SORBS2: variants seen among roughly 807,000 people sequenced by gnomAD.
SORBS2 encodes the protein sorbin and SH3 domain-containing protein 2.
SORBS2 carries 46 observed loss-of-function variants against 97.7 expected under a neutral mutation model. The observed-to-expected ratio is 0.47, with a 90% CI of 0.37 to 0.60. The LOEUF is 0.60. Ranked by LOEUF, SORBS2 falls within the 20% of genes least tolerant of loss-of-function variation. The pLI is 0.00. For missense variants in SORBS2, 1,316 were observed against 1,282.3 expected (o/e 1.03, Z -0.40); for synonymous variants, 476 against 473.4 (o/e 1.01, Z -0.07).
intron 2 of SORBS2, among the ~76,000 whole-genome samples, chr4:185,747,694 T>A (rs1410978685): frequency 6.6e-6 from 1 of 152,140 alleles, no homozygotes; most frequent in Non-Finnish European, 1.5e-5. Flanking sequence ...ACTCCGTGCC[T>A]GGAGCTGTGA....
chr4:185,804,044 G>A (rs192104704), intron 1 of SORBS2, among the ~76,000 whole-genome samples: 177 of 152,256 alleles, frequency 1.2e-3, no homozygotes, highest in Admixed American at 3.1e-3. Context: ...TTTTGGTTGC[G>A]TCATGTTTCC....
chr4:185,738,000 A>G (rs570667504), intron 2 of SORBS2, among the ~76,000 whole-genome samples: 43 of 152,316 alleles, frequency 2.8e-4, no homozygotes, highest in African/African-American at 1.0e-3. Context: ...CGGACACACT[A>G]CGGGATGGAA....
chr4:185,677,206 G>A lies in SORBS2; in HGVS notation c.-46+1217C>T, dbSNP rs1297342548. The A allele has an allele frequency of 1.9e-6, 3 of 1,551,702 alleles. No individual in the cohort carries two copies. The African/African-American group carries it at 4.1e-5, about 21-fold the overall frequency. On this transcript the variant is annotated intron_variant, in intron 4 of 20. Coordinates refer to the SORBS2 transcript ENST00000284776. ...GGGGTCAGTGAGCGGGGCCTTTTGAGAAATGACGGTACTTCGACAGATTTG... is the reference window on the plus strand; with the variant it reads ...GGGGTCAGTGAGCGGGGCCTTTTGAAAAATGACGGTACTTCGACAGATTTG...
At chr4:185,751,385 G>C (rs964467523) in intron 2 of SORBS2, among the ~76,000 whole-genome samples, 1 of 152,058 alleles carries the variant, frequency 6.6e-6, no homozygotes, top group Non-Finnish European at 1.5e-5. Context: ...ATGAGACAAA[G>C]TGAGAAGAGA....
At chr4:185,647,412 C>A (rs200607062) in intron 3 of SORBS2, among the ~76,000 whole-genome samples, 2 of 131,688 alleles carry the variant, frequency 1.5e-5, no homozygotes, top group African/African-American at 2.8e-5. Flanking sequence ...AAGAAGGCTT[C>A]TTTTTTTTTT....
chr4:185,859,828 C>CA (rs1293582033), intron 1 of SORBS2, among the ~76,000 whole-genome samples: 4 of 151,984 alleles, frequency 2.6e-5, no homozygotes, highest in Non-Finnish European at 5.9e-5. Flanking sequence ...GCATAATCAA[C>CA]AAAAAACTAA....
upstream of SORBS2, among the ~76,000 whole-genome samples, chr4:185,660,700 G>A (rs1310110073): frequency 1.3e-5 from 2 of 152,160 alleles, no homozygotes; most frequent in South Asian, 2.1e-4. Context: ...GGGGAAGGAG[G>A]TGCACTGTCT....
intron 4 of SORBS2, among the ~76,000 whole-genome samples, chr4:185,630,810 C>T (rs1168918121): frequency 6.6e-6 from 1 of 152,154 alleles, no homozygotes; most frequent in Non-Finnish European, 1.5e-5. Flanking sequence ...TGATATAATG[C>T]ATTGCAGTTC....
At chr4:185,724,342 A>AG (rs2098540308) in intron 2 of SORBS2, among the ~76,000 whole-genome samples, 1 of 152,022 alleles carries the variant, frequency 6.6e-6, no homozygotes, top group African/African-American at 2.4e-5. Context: ...AAAAAAAAAA[A>AG]AAGACAAAAG....
chr4:185,682,343 T>C (rs2097883405), intron 2 of SORBS2, among the ~76,000 whole-genome samples: 1 of 152,212 alleles, frequency 6.6e-6, no homozygotes, highest in Non-Finnish European at 1.5e-5. Context: ...ATGTTTTCAA[T>C]TGTTTCTCAA....
At chr4:185,646,459 A>G in intron 4 of SORBS2, 1 of 494,608 alleles carries the variant, frequency 2.0e-6, no homozygotes, top group Non-Finnish European at 3.6e-6. Context: ...ACACACACAT[A>G]CACTTGTATT....
intron 2 of SORBS2, among the ~76,000 whole-genome samples, chr4:185,758,593 A>G (rs1185684616): frequency 6.6e-6 from 1 of 152,078 alleles, no homozygotes; most frequent in Non-Finnish European, 1.5e-5. Context: ...ATTTCCACCC[A>G]TTCCAGGCAC....
intron 5 of SORBS2, among the ~76,000 whole-genome samples, chr4:185,628,368 C>G (rs1446786654): frequency 6.6e-6 from 1 of 151,142 alleles, no homozygotes. Flanking sequence ...AAATCTCTCT[C>G]ACCTCAAGGG....
At chr4:185,807,295 G>A (rs890013917) in intron 1 of SORBS2, among the ~76,000 whole-genome samples, 8 of 151,730 alleles carry the variant, frequency 5.3e-5, no homozygotes, top group African/African-American at 1.5e-4. Flanking sequence ...GTTTTTTTGA[G>A]GTGGGAAAAT....
chr4:185,803,330 C>G (rs1336949092), intron 1 of SORBS2, among the ~76,000 whole-genome samples: 1 of 152,144 alleles, frequency 6.6e-6, no homozygotes, highest in African/African-American at 2.4e-5. Flanking sequence ...AAAAGTGAGG[C>G]ACCGTTTTAA....
rs946522222 is a variant in SORBS2, at chr4:185,623,075, C to G, written c.2054G>C (p.Ser685Thr). ...TGGGTGGAGAGGCTGGTGCAGGGGG[C>G]TCCTCCTCAGCGCTCTCAGGGATGA... The change falls in exon 7 of 15, where the codon AGC becomes ACC. Residue 685 changes from serine to threonine, a missense_variant. Ser to Thr is a moderately conservative substitution (Grantham distance 58, BLOSUM62 1). Coordinates refer to ENST00000418609, the Ensembl canonical transcript of SORBS2. This position sits in a 1 kb window ranked among gnomAD's most constrained non-coding sequence, Gnocchi z 6.4. The G allele has an allele frequency of 4.3e-6, 7 of 1,613,984 alleles. No homozygotes were observed. Among genetic ancestry groups the G allele is most frequent in the Non-Finnish European group, 5.1e-6 (6 of 1,180,014 alleles).
At position 185,910,708 on chromosome 4, in the gene SORBS2, C is replaced by T. The variant is rs146003320; in HGVS notation, c.-338+45488G>A. On this transcript the variant is annotated intron_variant, in intron 1 of 20. Transcript: ENST00000284776. ...CTCCCACCTCAGCCTCCTGAGTCGC[C>T]GAGATGGCAGGCATGAGCCAGCACA... Among the ~76,000 whole-genome samples the T allele has an allele frequency of 3.6e-3, 547 of 152,078 alleles. 5 individuals carry two copies. Among genetic ancestry groups the T allele is most frequent in the African/African-American group, 0.013 (521 of 41,486 alleles).
At chr4:185,654,103 A>T (rs977048931) in intron 1 of SORBS2, among the ~76,000 whole-genome samples, 3 of 152,168 alleles carry the variant, frequency 2.0e-5, no homozygotes, top group African/African-American at 7.2e-5. Context: ...CCCCAAATAC[A>T]GGTTAACATG....
intron 1 of SORBS2, among the ~76,000 whole-genome samples, chr4:185,861,584 A>G (rs1344985020): frequency 6.7e-6 from 1 of 148,304 alleles, no homozygotes; most frequent in Non-Finnish European, 1.5e-5. Context: ...AGGGGTGGAA[A>G]AAGATCTGAC....
Sources: allele counts gnomAD v4.1 joint callset (sites outside exome capture counted in the v4.1 genomes callset), GRCh38; gene constraint gnomAD v4.1.1; non-coding constraint Gnocchi (gnomAD v3.1); transcripts MANE v1.5; gene names NCBI Gene and HGNC (gene_info 2026-07-23, HGNC 2026-07-21).